Variants in OPRM1 observed in about 807,000 individuals in gnomAD.
OPRM1 encodes opioid receptor mu 1, also known as mu-type opioid receptor.
Under a neutral mutation model 31.8 loss-of-function variants are expected in OPRM1, and 27 were observed. The ratio of observed to expected loss-of-function variants is 0.85; its 90% CI spans 0.63 to 1.17. The LOEUF (loss-of-function observed/expected upper bound fraction) is 1.17, where lower values mean the gene tolerates loss of function less well. Ranked by LOEUF, OPRM1 falls within the 50% of genes most tolerant of loss-of-function variation. OPRM1 has a pLI of 0.00. For missense variants in OPRM1, 536 were observed against 511.1 expected, an observed-to-expected ratio of 1.05 and a Z score of -0.47; for synonymous variants, 196 against 189.9, an observed-to-expected ratio of 1.03 and a Z score of -0.26.
At chr6:154,095,649 T>TAA (rs1181512904) in intron 3 of OPRM1, among the ~76,000 whole-genome samples, 1 of 152,218 alleles carries the variant, frequency 6.6e-6, no homozygotes, top group Non-Finnish European at 1.5e-5. Flanking sequence ...TTCAGTGCCC[T>TAA]AAAGAGGTCT....
rs534651764 is a variant in OPRM1 at position 154,151,022 on chromosome 6, C to A, written c.1164+59550C>A. ...TACCAGAGACACTGCCCCAGCTGGT[C>A]CACCCTCTTCCTCCTGTGTCTTGTC... On this transcript the variant is annotated intron_variant, in intron 3 of 3. Coordinates refer to the OPRM1 transcript ENST00000337049. Among the ~76,000 whole-genome samples the A allele has an allele frequency of 1.4e-3, 213 of 152,356 alleles. 1 individual carries two copies. The highest frequency in any genetic ancestry group is 2.1e-3 in the Non-Finnish European group (144 of 68,032).
chr6:154,045,237 T>C (rs1198081307), intron 1 of OPRM1, among the ~76,000 whole-genome samples: 1 of 150,668 alleles, frequency 6.6e-6, no homozygotes, highest in Non-Finnish European at 1.5e-5. Flanking sequence ...ACAAAAAAAA[T>C]AAATTAAAAA....
intron 3 of OPRM1, among the ~76,000 whole-genome samples, chr6:154,238,922 G>T (rs115940382): frequency 0.14 from 21,050 of 148,458 alleles, 1,612 homozygotes; most frequent in Non-Finnish European, 0.17. Flanking sequence ...CTATATTGTT[G>T]TTTTTTTTAA....
At chr6:154,054,799 T>C (rs1428849846) in intron 1 of OPRM1, among the ~76,000 whole-genome samples, 1 of 152,224 alleles carries the variant, frequency 6.6e-6, no homozygotes, top group Non-Finnish European at 1.5e-5. Context: ...CCCCATTCTC[T>C]GTGATGTGAT....
chr6:154,239,852 T>A (rs1969518), intron 3 of OPRM1, among the ~76,000 whole-genome samples: 142,018 of 152,302 alleles, frequency 0.93, 66,398 homozygotes, highest in East Asian at 1. Context: ...TACAGGCATA[T>A]CCACCACGCT....
intron 3 of OPRM1, chr6:154,199,981 A>G (rs1355638865): frequency 6.2e-7 from 1 of 1,614,098 alleles, no homozygotes; most frequent in Non-Finnish European, 8.5e-7. Context: ...TTTCCAGGGA[A>G]GAGAAAGAAT....
rs147665872 is a variant in OPRM1 at position 154,096,354 on chromosome 6, C to T, written c.1164+4882C>T. ...AGATTCCAGACGTGAGCCCCTGTGT[C>T]TGGCCTCTAACGCATTTTATATCTT... On this transcript the variant is annotated intron_variant, in intron 3 of 3. Transcript: ENST00000330432. Among the ~76,000 whole-genome samples the T allele has an allele frequency of 9.3e-4, 141 of 152,298 alleles. 2 individuals are homozygous for T. Among genetic ancestry groups the T allele is most frequent in the Admixed American group, 8.5e-3 (130 of 15,304 alleles).
intron 3 of OPRM1, among the ~76,000 whole-genome samples, chr6:154,190,138 C>A (rs540375297): frequency 1.3e-5 from 2 of 152,192 alleles, no homozygotes; most frequent in African/African-American, 2.4e-5. Flanking sequence ...CAAAAACTCA[C>A]AAAATATAAG....
At chr6:154,114,966 T>C (rs900444562) in intron 3 of OPRM1, among the ~76,000 whole-genome samples, 3 of 151,938 alleles carry the variant, frequency 2.0e-5, no homozygotes, top group Admixed American at 2.0e-4. Context: ...TACAAATGGC[T>C]CTTCCAATCA....
chr6:154,025,012 G>A (rs777423406), intron 1 of OPRM1, among the ~76,000 whole-genome samples: 11 of 151,892 alleles, frequency 7.2e-5, no homozygotes, highest in Non-Finnish European at 1.3e-4. Flanking sequence ...TAGCTGTTTC[G>A]TGAAATGTTC....
intron 3 of OPRM1, among the ~76,000 whole-genome samples, chr6:154,111,212 A>G (rs183922120): frequency 6.6e-6 from 1 of 152,270 alleles, no homozygotes; most frequent in Admixed American, 6.5e-5. Flanking sequence ...AGAGGGGATG[A>G]GTTTCCTATT....
chr6:154,145,314 C>G (rs1798330435), intron 3 of OPRM1, among the ~76,000 whole-genome samples: 2 of 152,176 alleles, frequency 1.3e-5, no homozygotes, highest in South Asian at 2.1e-4. Context: ...AGCAAAATCA[C>G]AGAATTGAAG....
At chr6:154,011,292 ATTAT>A (rs1208230159) in intron 1 of OPRM1, among the ~76,000 whole-genome samples, 1 of 152,154 alleles carries the variant, frequency 6.6e-6, no homozygotes, top group East Asian at 1.9e-4. Flanking sequence ...TTTTATAGAA[ATTAT>A]TTCGGAGTTC....
chr6:154,166,870 A>T (rs920230697), intron 3 of OPRM1, among the ~76,000 whole-genome samples: 8 of 152,224 alleles, frequency 5.3e-5, no homozygotes, highest in Non-Finnish European at 1.2e-4. Context: ...GCGGCCAGTG[A>T]TATCTTTTAT....
chr6:154,105,671 G>A (rs1459922741), intron 3 of OPRM1, among the ~76,000 whole-genome samples: 4 of 152,144 alleles, frequency 2.6e-5, no homozygotes, highest in African/African-American at 9.7e-5. Context: ...TTACACAACA[G>A]TTATAAATAA....
chr6:154,018,347 G>A (rs930332199), intron 1 of OPRM1, among the ~76,000 whole-genome samples: 6 of 152,092 alleles, frequency 3.9e-5, no homozygotes, highest in African/African-American at 1.4e-4. Flanking sequence ...TTGAACCTAG[G>A]AGGCAGAGGT....
At chr6:154,206,910 G>A (rs1481197599) in intron 3 of OPRM1, among the ~76,000 whole-genome samples, 2 of 152,238 alleles carry the variant, frequency 1.3e-5, no homozygotes, top group African/African-American at 4.8e-5. Context: ...ATGGCAGCCT[G>A]AAGACAGGCC....
In OPRM1 at chr6:154,129,768, A is replaced by G. The variant is rs1797781733; in HGVS notation, c.*11047A>G. Among the ~76,000 whole-genome samples, 1 of 151,714 alleles carries G rather than the reference A, an allele frequency of 6.6e-6. No homozygotes were observed. Among genetic ancestry groups the G allele is most frequent in the Non-Finnish European group, 1.5e-5 (1 of 67,958 alleles). On this transcript the variant is annotated 3_prime_UTR_variant, in exon 4 of 4. Coordinates refer to ENST00000330432, the MANE Select transcript of OPRM1 (RefSeq NM_000914.5). ...TTGAAGACTCCTGTGATTTTTTTAA[A>G]TGGCTGGTTTGGTTGAAGTTTCTCT...
chr6:154,176,062 T>C (rs1800299919), intron 3 of OPRM1, among the ~76,000 whole-genome samples: 1 of 152,052 alleles, frequency 6.6e-6, no homozygotes, highest in Admixed American at 6.6e-5. Context: ...ACAGAACCAA[T>C]GATAAAAACC....
Sources: gnomAD v4.1 joint callset for allele counts (sites outside exome capture counted in the v4.1 genomes callset) on GRCh38, gnomAD v4.1.1 for gene constraint, MANE v1.5 for transcripts, NCBI Gene and HGNC (gene_info 2026-07-23, HGNC 2026-07-21) for gene names.